The following IMPG1 variants were observed in gnomAD, a reference collection of about 807,000 sequenced individuals.
The protein encoded by IMPG1 is interphotoreceptor matrix proteoglycan of 150 kDa.
IMPG1 carries 85 observed loss-of-function variants against 92.0 expected under a neutral mutation model. That is an observed-to-expected ratio of 0.92 (90% CI 0.78 to 1.11). The LOEUF is 1.11. IMPG1 is among the 50% of genes least tolerant of loss of function. IMPG1 has a pLI of 0.00. For missense variants in IMPG1, 1,022 were observed against 956.0 expected, an observed-to-expected ratio of 1.07 and a Z score of -0.91; for synonymous variants, 367 against 334.1, an observed-to-expected ratio of 1.10 and a Z score of -1.08.
At chr6:75,961,829 G>A (rs951826291) in intron 12 of IMPG1, among the ~76,000 whole-genome samples, 4 of 152,124 alleles carry the variant, frequency 2.6e-5, no homozygotes, top group Non-Finnish European at 5.9e-5. Context: ...GTGTCAGGGT[G>A]GCTAAAGACA....
At chr6:76,064,023 G>A (rs921457332) in intron 1 of IMPG1, among the ~76,000 whole-genome samples, 1 of 152,178 alleles carries the variant, frequency 6.6e-6, no homozygotes, top group African/African-American at 2.4e-5. Context: ...CAGTGCTGAG[G>A]CACAGGAATG....
intron 4 of IMPG1, 98 bp downstream of exon 4, chr6:76,034,217 C>T (rs1783696589): frequency 4.5e-6 from 5 of 1,117,612 alleles, no homozygotes; most frequent in Non-Finnish European, 5.3e-6. Flanking sequence ...TAGTGGCTGA[C>T]ATAAAATCCT....
chr6:76,033,212 G>A (rs1196750676), intron 4 of IMPG1, among the ~76,000 whole-genome samples: 1 of 152,150 alleles, frequency 6.6e-6, no homozygotes, highest in East Asian at 1.9e-4. Context: ...AGGCCAATAG[G>A]CCTTAAAGAC....
At chr6:76,014,931 T>A (rs2149481003) in intron 7 of IMPG1, among the ~76,000 whole-genome samples, 1 of 152,316 alleles carries the variant, frequency 6.6e-6, no homozygotes, top group South Asian at 2.1e-4. Context: ...AGGGAGGATA[T>A]GACAAAAGCC....
intron 4 of IMPG1, among the ~76,000 whole-genome samples, chr6:76,028,569 C>T (rs1324224407): frequency 6.6e-6 from 1 of 152,226 alleles, no homozygotes. Flanking sequence ...GTGGCTCACG[C>T]CTGTAATCCC....
chr6:75,947,981 C>G (rs943085), intron 13 of IMPG1, among the ~76,000 whole-genome samples: 2 of 152,120 alleles, frequency 1.3e-5, no homozygotes, highest in Admixed American at 6.5e-5. Context: ...CCTATTAAAA[C>G]AAACAACAAC....
At chr6:75,925,298 T>C (rs866548377) in intron 15 of IMPG1, among the ~76,000 whole-genome samples, 1 of 152,318 alleles carries the variant, frequency 6.6e-6, no homozygotes, top group South Asian at 2.1e-4. Flanking sequence ...TCTATATACA[T>C]AATTTCTGTT....
At chr6:75,960,357 T>G (rs1005658569) in intron 12 of IMPG1, among the ~76,000 whole-genome samples, 1 of 152,248 alleles carries the variant, frequency 6.6e-6, no homozygotes, top group Non-Finnish European at 1.5e-5. Context: ...TTGTGACATC[T>G]TAATATTAAT....
At chr6:76,054,090 G>C (rs947084747) in intron 1 of IMPG1, among the ~76,000 whole-genome samples, 1 of 152,106 alleles carries the variant, frequency 6.6e-6, no homozygotes, top group Admixed American at 6.6e-5. Flanking sequence ...CTCAATTTGG[G>C]CAAATAATTA....
rs539520499 is a variant in IMPG1, at chr6:75,932,691, C to A, written c.2045-1540G>T. Among the ~76,000 whole-genome samples the A allele has an allele frequency of 2.6e-4, 40 of 151,984 alleles. 1 individual carries two copies. The highest frequency in any genetic ancestry group is 2.1e-3 in the South Asian group (10 of 4,804). ...GAACTTATTCATGGGTAGGCCATACCAATATTTGTTTCTTCCTTTTTTTTT... is the reference window on the plus strand; with the variant it reads ...GAACTTATTCATGGGTAGGCCATACAAATATTTGTTTCTTCCTTTTTTTTT... On this transcript the variant is annotated intron_variant, in intron 14 of 16. Coordinates refer to ENST00000369950, the MANE Select transcript of IMPG1 (RefSeq NM_001563.4).
Position 75,943,387 on chromosome 6 carries a change from T to C in IMPG1, c.2044+3927A>G, listed in dbSNP as rs533761860. Among the ~76,000 whole-genome samples the C allele has an allele frequency of 1.3e-4, 20 of 152,272 alleles. No homozygotes were observed. The South Asian group carries it at 3.3e-3, about 25-fold the overall frequency. On this transcript the variant is annotated intron_variant, in intron 14 of 16. Transcript: ENST00000369950. ...TCCCTGGGAGGGAGGGGTGAGTTCT[T>C]ACTCTGTGAGCTCCCACCAGCACTG...
At chr6:75,986,255 A>G (rs1701586762) in intron 12 of IMPG1, among the ~76,000 whole-genome samples, 1 of 152,120 alleles carries the variant, frequency 6.6e-6, no homozygotes, top group African/African-American at 2.4e-5. Flanking sequence ...TCCCAGCCCT[A>G]CTTGGGTGGT....
At chr6:75,940,857 A>G (rs987095089) in intron 14 of IMPG1, among the ~76,000 whole-genome samples, 2 of 152,136 alleles carry the variant, frequency 1.3e-5, no homozygotes, top group African/African-American at 4.8e-5. Context: ...TTCCTCTTGC[A>G]TCTTCTGGAA....
At chr6:75,928,282 C>A (rs1386708840) in intron 15 of IMPG1, among the ~76,000 whole-genome samples, 1 of 152,028 alleles carries the variant, frequency 6.6e-6, no homozygotes, top group East Asian at 1.9e-4. Context: ...TCACTGCAAC[C>A]TCCACCTCCT....
chr6:75,933,625 C>T (rs1033706074), intron 14 of IMPG1, among the ~76,000 whole-genome samples: 1 of 152,098 alleles, frequency 6.6e-6, no homozygotes, highest in African/African-American at 2.4e-5. Flanking sequence ...CCAGGTCCAG[C>T]CTGGCCAGAG....
intron 12 of IMPG1, among the ~76,000 whole-genome samples, chr6:75,996,483 A>G (rs1782904114): frequency 6.6e-6 from 1 of 152,208 alleles, no homozygotes; most frequent in African/African-American, 2.4e-5. Flanking sequence ...TCTTAGAAAC[A>G]GGTGATCTCT....
At chr6:75,923,214 CATT>C (rs1781459032) in intron 16 of IMPG1, among the ~76,000 whole-genome samples, 1 of 151,982 alleles carries the variant, frequency 6.6e-6, no homozygotes, top group African/African-American at 2.4e-5. Context: ...TGAAGTTACT[CATT>C]GTTCACAAAT....
At chr6:76,047,767 A>G (rs1046161191) in intron 1 of IMPG1, among the ~76,000 whole-genome samples, 2 of 152,234 alleles carry the variant, frequency 1.3e-5, no homozygotes, top group African/African-American at 2.4e-5. Context: ...AAAAACCATT[A>G]GACTATGAAA....
chr6:75,946,704 A>G (rs576249235), intron 14 of IMPG1, among the ~76,000 whole-genome samples: 1 of 152,324 alleles, frequency 6.6e-6, no homozygotes, highest in Non-Finnish European at 1.5e-5. Flanking sequence ...CTCCTTGTCT[A>G]ACTCTTTGCT....
Sources: allele counts gnomAD v4.1 joint callset (sites outside exome capture counted in the v4.1 genomes callset), GRCh38; gene constraint gnomAD v4.1.1; transcripts MANE v1.5; gene names NCBI Gene and HGNC (gene_info 2026-07-23, HGNC 2026-07-21).